The following PTPRD variants were observed in gnomAD, a reference collection of about 807,000 sequenced individuals.
PTPRD encodes the protein receptor-type tyrosine-protein phosphatase delta.
In PTPRD, 34 loss-of-function variants were observed where a neutral mutation model predicts 214.5. The ratio of observed to expected loss-of-function variants is 0.16; its 90% CI spans 0.12 to 0.21. The LOEUF is 0.21. Among genes scored for constraint, PTPRD ranks in the 10% least tolerant of loss-of-function variants. The pLI, the probability that PTPRD is intolerant of heterozygous loss-of-function variation, is 1.00. For synonymous variants in PTPRD, 1,128 were observed against 845.7 expected, an observed-to-expected ratio of 1.33 and a Z score of -5.79; for missense variants, 2,545 against 2,398.7, an observed-to-expected ratio of 1.06 and a Z score of -1.27.
At chr9:10,250,813 T>A (rs1401767911) in intron 3 of PTPRD, among the ~76,000 whole-genome samples, 1 of 151,830 alleles carries the variant, frequency 6.6e-6, no homozygotes. Flanking sequence ...GAATAAGATA[T>A]ATGCATAAGT....
In PTPRD at chr9:10,450,023, A is replaced by G. The variant is rs568543880; in HGVS notation, c.-599-109006T>C. Among the ~76,000 whole-genome samples the G allele has an allele frequency of 8.1e-3, 1,219 of 151,336 alleles. 18 individuals carry two copies. Among genetic ancestry groups the G allele is most frequent in the African/African-American group, 0.023 (953 of 40,754 alleles). On this transcript the variant is annotated intron_variant, in intron 2 of 45. Transcript: ENST00000381196. ...AGGGCGGTGCAAGATGTGCTTTGTTAAACAGATGCTTGAAGGCAGCATGCT... is the reference window on the plus strand; with the variant it reads ...AGGGCGGTGCAAGATGTGCTTTGTTGAACAGATGCTTGAAGGCAGCATGCT...
chr9:10,469,664 A>G (rs2099017332), intron 2 of PTPRD, among the ~76,000 whole-genome samples: 1 of 152,164 alleles, frequency 6.6e-6, no homozygotes, highest in Non-Finnish European at 1.5e-5. Context: ...CTGAGTATAT[A>G]TCCAAAAGAA....
chr9:9,141,262 A>C (rs1248225895), intron 10 of PTPRD, among the ~76,000 whole-genome samples: 1 of 138,446 alleles, frequency 7.2e-6, no homozygotes, highest in Non-Finnish European at 1.5e-5. Flanking sequence ...TCAGGGGAAG[A>C]CTATTCCCCT....
chr9:9,776,482 C>T (rs2098799616), intron 5 of PTPRD, among the ~76,000 whole-genome samples: 2 of 152,142 alleles, frequency 1.3e-5, no homozygotes, highest in Admixed American at 1.3e-4. Context: ...TAGCATCTAG[C>T]ATAATGCCTG....
intron 7 of PTPRD, among the ~76,000 whole-genome samples, chr9:9,661,219 C>T (rs143286009): frequency 6.6e-6 from 1 of 151,980 alleles, no homozygotes; most frequent in African/African-American, 2.4e-5. Flanking sequence ...CATTTCTCTA[C>T]ATTCCATTTT....
chr9:9,596,659 G>T (rs187358818), intron 7 of PTPRD, among the ~76,000 whole-genome samples: 47 of 152,076 alleles, frequency 3.1e-4, no homozygotes, highest in African/African-American at 1.1e-3. Flanking sequence ...CTAGGGTATG[G>T]TTCAGTATTA....
At position 9,067,191 on chromosome 9, in the gene PTPRD, T is replaced by C. The variant is rs185119728; in HGVS notation, c.-142-48456A>G. Among the ~76,000 whole-genome samples the C allele has an allele frequency of 2.6e-5, 4 of 152,242 alleles. No individual in the cohort carries two copies. The East Asian group carries it at 5.8e-4, about 22-fold the overall frequency. On this transcript the variant is annotated intron_variant, in intron 10 of 45. Coordinates refer to ENST00000381196, the MANE Select transcript of PTPRD (RefSeq NM_002839.4). Reference sequence around the variant, plus strand: ...GTTACAGTGAGCCTAGATAGCACCATTGCACTCCAGCCTGGGCAATAAGAG... The same window carrying C: ...GTTACAGTGAGCCTAGATAGCACCACTGCACTCCAGCCTGGGCAATAAGAG...
intron 11 of PTPRD, among the ~76,000 whole-genome samples, chr9:8,779,679 C>T (rs188764907): frequency 2.6e-5 from 4 of 152,256 alleles, no homozygotes; most frequent in Admixed American, 2.6e-4. Flanking sequence ...TCCTTTTAAT[C>T]AGCACGGTAA....
At chr9:8,355,769 C>T (rs1045135136) in intron 39 of PTPRD, among the ~76,000 whole-genome samples, 4 of 152,152 alleles carry the variant, frequency 2.6e-5, no homozygotes, top group African/African-American at 9.7e-5. Flanking sequence ...GAGACCTGGG[C>T]TCTGTCCCAG....
chr9:9,281,735 T>C (rs949520843), intron 9 of PTPRD, among the ~76,000 whole-genome samples: 2 of 151,186 alleles, frequency 1.3e-5, no homozygotes, highest in Non-Finnish European at 3.0e-5. Context: ...AATCTCACAA[T>C]CACACTCCTT....
chr9:9,790,704 A>G (rs970143161), intron 5 of PTPRD, among the ~76,000 whole-genome samples: 3 of 152,156 alleles, frequency 2.0e-5, no homozygotes, highest in African/African-American at 7.2e-5. Context: ...ATTCACACAA[A>G]TGTTTGTCTG....
At chr9:10,054,936 G>A (rs552179912) in intron 3 of PTPRD, among the ~76,000 whole-genome samples, 1 of 152,092 alleles carries the variant, frequency 6.6e-6, no homozygotes, top group South Asian at 2.1e-4. Context: ...AGGTTTAGAC[G>A]ATGTCATGAG....
At chr9:9,223,997 G>A (rs567430327) in intron 9 of PTPRD, among the ~76,000 whole-genome samples, 2 of 151,958 alleles carry the variant, frequency 1.3e-5, no homozygotes, top group East Asian at 3.9e-4. Flanking sequence ...TATAACAAAT[G>A]TATTTCTACT....
chr9:10,382,626 T>G (rs905588502), intron 2 of PTPRD, among the ~76,000 whole-genome samples: 1 of 152,022 alleles, frequency 6.6e-6, no homozygotes, highest in East Asian at 1.9e-4. Context: ...TTGCTTAAAA[T>G]AAAGTTCTTA....
At chr9:9,951,486 G>GCAT (rs2093449574) in intron 4 of PTPRD, among the ~76,000 whole-genome samples, 1 of 152,168 alleles carries the variant, frequency 6.6e-6, no homozygotes, top group Admixed American at 6.5e-5. Flanking sequence ...GGACACTTGA[G>GCAT]CGGATAAGCA....
intron 30 of PTPRD, among the ~76,000 whole-genome samples, chr9:8,477,497 C>G (rs1269181137): frequency 1.3e-5 from 2 of 152,184 alleles, no homozygotes; most frequent in Non-Finnish European, 2.9e-5. Context: ...GGCAGTCCCA[C>G]TTCAAATTCA....
intron 7 of PTPRD, among the ~76,000 whole-genome samples, chr9:9,635,473 C>A (rs887479877): frequency 6.6e-6 from 1 of 152,118 alleles, no homozygotes; most frequent in Admixed American, 6.5e-5. Context: ...TCACATGGAC[C>A]AAGAGTGATT....
intron 9 of PTPRD, among the ~76,000 whole-genome samples, chr9:9,359,972 G>GT (rs986456773): frequency 5.3e-5 from 8 of 151,290 alleles, no homozygotes; most frequent in East Asian, 3.9e-4. Context: ...ATTTTTATAT[G>GT]TTTTTTGCAG....
chr9:10,385,919 A>T (rs2097906183), intron 2 of PTPRD, among the ~76,000 whole-genome samples: 1 of 151,900 alleles, frequency 6.6e-6, no homozygotes, highest in Non-Finnish European at 1.5e-5. Context: ...CACATGAAAT[A>T]ATACTAGCAA....
Sources: gnomAD v4.1 joint callset for allele counts (sites outside exome capture counted in the v4.1 genomes callset) on GRCh38, gnomAD v4.1.1 for gene constraint, MANE v1.5 for transcripts, NCBI Gene and HGNC (gene_info 2026-07-23, HGNC 2026-07-21) for gene names.